The following SLC2A13 variants were observed in gnomAD, a reference collection of about 807,000 sequenced individuals.
SLC2A13 encodes solute carrier family 2 member 13.
SLC2A13 carries 32 observed loss-of-function variants against 64.4 expected under a neutral mutation model. The ratio of observed to expected loss-of-function variants is 0.50; its 90% CI spans 0.37 to 0.67. SLC2A13 has a LOEUF of 0.67. Among genes scored for constraint, SLC2A13 ranks in the 30% least tolerant of loss-of-function variants. The pLI is 0.00. For synonymous variants in SLC2A13, 338 were observed against 327.1 expected (o/e 1.03, Z -0.36); for missense variants, 743 against 829.2 (o/e 0.90, Z 1.28).
intron 3 of SLC2A13, among the ~76,000 whole-genome samples, chr12:39,963,984 A>G (rs1946461035): frequency 6.6e-6 from 1 of 152,212 alleles, no homozygotes; most frequent in Non-Finnish European, 1.5e-5. Context: ...TATCTTTTAA[A>G]AAAATTGAAA....
chr12:39,772,531 T>C (rs1289928826), intron 7 of SLC2A13, among the ~76,000 whole-genome samples: 1 of 152,064 alleles, frequency 6.6e-6, no homozygotes, highest in Non-Finnish European at 1.5e-5. Context: ...CAGCATTAGA[T>C]GTCCCTTGAC....
chr12:40,032,333 G>A (rs141520629), intron 2 of SLC2A13, among the ~76,000 whole-genome samples: 2 of 152,160 alleles, frequency 1.3e-5, no homozygotes, highest in African/African-American at 2.4e-5. Context: ...GACATGCCAA[G>A]CTCTCATGAG....
intron 3 of SLC2A13, among the ~76,000 whole-genome samples, chr12:39,989,064 C>T (rs773357277): frequency 6.6e-6 from 1 of 152,144 alleles, no homozygotes; most frequent in Non-Finnish European, 1.5e-5. Flanking sequence ...AAACCTAAGT[C>T]TGCTGTGTCA....
At position 39,758,204 on chromosome 12, in the gene SLC2A13, A is replaced by G. The variant is rs1940020896; in HGVS notation, c.*1822T>C. The stretch of plus-strand genomic sequence containing the variant: ...TTAATTTTTTTTATTATATGAAATG[A>G]CCAAAGGGAGAAAACGTTTTTGTTT... On this transcript the variant is annotated 3_prime_UTR_variant, in exon 10 of 10. Coordinates refer to ENST00000280871, the MANE Select transcript of SLC2A13 (RefSeq NM_052885.4). 2 of 151,684 alleles carry G rather than the reference A, an allele frequency of 1.3e-5. No individual in the cohort carries two copies. The highest frequency in any genetic ancestry group is 3.0e-5 in the Non-Finnish European group (2 of 67,716). 9.4% of individuals were successfully genotyped at this position (151,684 alleles called of 1,614,324 possible). A position where few individuals can be genotyped will look rare whatever the true frequency, so the allele number is the denominator to read the frequency against.
intron 3 of SLC2A13, among the ~76,000 whole-genome samples, chr12:39,976,165 T>A (rs1946754044): frequency 6.6e-6 from 1 of 152,172 alleles, no homozygotes; most frequent in Admixed American, 6.5e-5. Flanking sequence ...TTACAGCAAG[T>A]TCAAGGACAT....
At position 39,951,333 on chromosome 12, in the gene SLC2A13, G is replaced by A; in HGVS notation, c.958C>T (p.Pro320Ser). ...ACAATTAAAGCTCGGCGAGTTGGGG[G>A]ATAACTCAGCATTCTGCAGATCACA... ...GPVICRMLSY[P>S]PTRRALIVGC... is the part of the protein sequence containing the mutation. Residue 320 changes from proline to serine, a missense_variant, in exon 4 of 10, where the codon CCC becomes TCC. By Grantham distance (74) the Pro-to-Ser change is moderately conservative (BLOSUM62 -1). This residue lies in a region of SLC2A13 where 448 missense variants were observed against 447.4 expected (regional missense o/e 1.00). Transcript: ENST00000280871. 1.2e-6 allele frequency: 2 copies of A among 1,609,660 alleles called. No homozygotes were observed. Among genetic ancestry groups the A allele is most frequent in the Non-Finnish European group, 1.7e-6 (2 of 1,177,806 alleles).
At chr12:39,974,339 G>T (rs1028720863) in intron 3 of SLC2A13, among the ~76,000 whole-genome samples, 1 of 152,148 alleles carries the variant, frequency 6.6e-6, no homozygotes, top group African/African-American at 2.4e-5. Flanking sequence ...ACTTACATAT[G>T]AACAGCACAG....
At chr12:39,821,867 C>T (rs1942521468) in intron 7 of SLC2A13, among the ~76,000 whole-genome samples, 3 of 151,874 alleles carry the variant, frequency 2.0e-5, no homozygotes. Context: ...ATCGATCACA[C>T]GTGCCAAGAA....
chr12:40,061,028 G>A (rs1407846795), intron 1 of SLC2A13, among the ~76,000 whole-genome samples: 1 of 151,994 alleles, frequency 6.6e-6, no homozygotes, highest in Non-Finnish European at 1.5e-5. Context: ...TGTAACTTCA[G>A]ATTTTGTTAT....
At chr12:40,076,777 T>C (rs987040468) in intron 1 of SLC2A13, among the ~76,000 whole-genome samples, 3 of 152,138 alleles carry the variant, frequency 2.0e-5, no homozygotes, top group Admixed American at 6.5e-5. Flanking sequence ...CAGCACTGTA[T>C]GTGTTTCCTT....
intron 1 of SLC2A13, among the ~76,000 whole-genome samples, chr12:40,104,271 T>G (rs1233137210): frequency 6.6e-6 from 1 of 152,126 alleles, no homozygotes; most frequent in African/African-American, 2.4e-5. Flanking sequence ...CTAGTGAGAT[T>G]TAAGTCACAG....
At chr12:39,859,506 T>G (rs1456120204) in intron 6 of SLC2A13, among the ~76,000 whole-genome samples, 1 of 151,914 alleles carries the variant, frequency 6.6e-6, no homozygotes, top group Non-Finnish European at 1.5e-5. Context: ...TGGTTAAGAC[T>G]CTTAATTGAG....
At chr12:40,061,818 A>G (rs1948429204) in intron 1 of SLC2A13, among the ~76,000 whole-genome samples, 1 of 152,112 alleles carries the variant, frequency 6.6e-6, no homozygotes, top group Non-Finnish European at 1.5e-5. Flanking sequence ...CCAAAAAAAA[A>G]AAAAGGAAAT....
At chr12:40,083,278 T>G (rs906202547) in intron 1 of SLC2A13, among the ~76,000 whole-genome samples, 1 of 152,122 alleles carries the variant, frequency 6.6e-6, no homozygotes, top group African/African-American at 2.4e-5. Context: ...TCTCCACCAC[T>G]TCCCTGACCC....
chr12:39,948,961 A>G (rs560557687), intron 4 of SLC2A13, among the ~76,000 whole-genome samples: 67 of 152,316 alleles, frequency 4.4e-4, no homozygotes, highest in Non-Finnish European at 7.8e-4. Context: ...TTATGATAGT[A>G]TTTCCTTAAT....
At chr12:39,847,503 T>A (rs1445729349) in intron 6 of SLC2A13, among the ~76,000 whole-genome samples, 1 of 152,138 alleles carries the variant, frequency 6.6e-6, no homozygotes, top group Non-Finnish European at 1.5e-5. Context: ...GAAGAGCTGC[T>A]CTTTCTGCCT....
At chr12:40,027,261 A>G (rs1220977038) in intron 3 of SLC2A13, among the ~76,000 whole-genome samples, 1 of 152,184 alleles carries the variant, frequency 6.6e-6, no homozygotes, top group Non-Finnish European at 1.5e-5. Context: ...TTGCACTAAT[A>G]TGTTACTCTA....
chr12:39,896,121 CATATATGTATACACGTGTACCT>C (rs1226948376), intron 4 of SLC2A13, among the ~76,000 whole-genome samples: 1 of 141,988 alleles, frequency 7.0e-6, no homozygotes, highest in Non-Finnish European at 1.5e-5. Flanking sequence ...TGAATGCATA[CATATATGTATACACGTGTACCT>C]ATATATGTAT....
At chr12:39,778,262 C>T (rs1397137853) in intron 7 of SLC2A13, among the ~76,000 whole-genome samples, 1 of 152,218 alleles carries the variant, frequency 6.6e-6, no homozygotes, top group East Asian at 1.9e-4. Flanking sequence ...GAATGTTTGT[C>T]AAAGTCTCAG....
Sources: gnomAD v4.1 joint callset for allele counts (sites outside exome capture counted in the v4.1 genomes callset) on GRCh38, gnomAD v4.1.1 for gene constraint, gnomAD v4.1.1 regional missense constraint, MANE v1.5 for transcripts, NCBI Gene and HGNC (gene_info 2026-07-23, HGNC 2026-07-21) for gene names.